The following PLA2G2A variants were observed in gnomAD, a reference collection of about 807,000 sequenced individuals.
The protein encoded by PLA2G2A is phospholipase A2, membrane associated.
PLA2G2A carries 6 observed loss-of-function variants against 11.2 expected under a neutral mutation model. The observed-to-expected ratio is 0.54, with a 90% CI of 0.29 to 1.06. PLA2G2A has a LOEUF of 1.06. Ranked by LOEUF, PLA2G2A falls within the 50% of genes least tolerant of loss-of-function variation. PLA2G2A has a pLI of 0.08. For missense variants in PLA2G2A, 133 were observed against 177.1 expected, an observed-to-expected ratio of 0.75 and a Z score of 1.41; for synonymous variants, 69 against 65.8, an observed-to-expected ratio of 1.05 and a Z score of -0.23.
At chr1:19,975,627 G>C, downstream of PLA2G2A, 1 of 1,400,328 alleles carries the variant, frequency 7.1e-7, no homozygotes, top group African/African-American at 1.4e-5. Context: ...CAAGGAACTT[G>C]GTTAGGGTAG....
chr1:19,978,311 C>T, intron 3 of PLA2G2A, 69 bp downstream of exon 3: 1 of 1,574,540 alleles, frequency 6.4e-7, no homozygotes. Flanking sequence ...GGAACCGGCA[C>T]TGTCTTTGCA....
At chr1:19,977,882 C>T in intron 4 of PLA2G2A, 133 bp downstream of exon 4, 3 of 720,368 alleles carry the variant, frequency 4.2e-6, no homozygotes, top group Non-Finnish European at 7.8e-6. Flanking sequence ...TTTCACTTTC[C>T]TGGCTTCCCA....
chr1:19,979,332 T>A (rs2046271119), intron 1 of PLA2G2A, among the ~76,000 whole-genome samples: 1 of 152,086 alleles, frequency 6.6e-6, no homozygotes, highest in Non-Finnish European at 1.5e-5. Flanking sequence ...CCCTTCCACA[T>A]ACACAAGTTC....
exon 3 of PLA2G2A, chr1:19,978,515 T>C (rs1326977837): frequency 6.2e-7 from 1 of 1,613,646 alleles, no homozygotes; most frequent in South Asian, 1.1e-5. Context: ...CCCATGGGCC[T>C]GCAGTAGGCC....
exon 2 of PLA2G2A, chr1:19,978,738 G>T: frequency 6.2e-7 from 1 of 1,614,142 alleles, no homozygotes; most frequent in African/African-American, 1.3e-5. Flanking sequence ...TCTTACCAAA[G>T]ATCATGATCA....
At chr1:19,976,445 G>T (rs2046221161) in intron 4 of PLA2G2A, among the ~76,000 whole-genome samples, 1 of 152,178 alleles carries the variant, frequency 6.6e-6, no homozygotes, top group South Asian at 2.1e-4. Flanking sequence ...GATTCTTAAT[G>T]ACATGGCTGG....
downstream of PLA2G2A, chr1:19,975,591 T>G: frequency 1.0e-6 from 1 of 995,820 alleles, no homozygotes; most frequent in Non-Finnish European, 1.6e-6. Flanking sequence ...GCCTCTAGGA[T>G]GGGTGAGGGA....
chr1:19,978,719 A>G lies in PLA2G2A; in HGVS notation c.40+15T>C, dbSNP rs1253123160. The G allele has an allele frequency of 6.2e-7, 1 of 1,613,950 alleles. No homozygotes were observed. The highest frequency in any genetic ancestry group is 2.2e-5 in the East Asian group (1 of 44,884). ...GGCTGTCCCCCCATGCTCAGAGGTC[A>G]GGGTCAGCTCTTACCAAAGATCATG... On this transcript the variant is annotated intron_variant, in intron 2 of 4. Coordinates refer to ENST00000482011, the Ensembl canonical transcript of PLA2G2A.
intron 1 of PLA2G2A, among the ~76,000 whole-genome samples, chr1:19,979,354 C>T (rs2046271374): frequency 6.6e-6 from 1 of 152,174 alleles, no homozygotes; most frequent in Non-Finnish European, 1.5e-5. Flanking sequence ...CAAACACATA[C>T]ATGTTAACAC....
chr1:19,975,578 C>T (rs2046207958), downstream of PLA2G2A: 1 of 895,112 alleles, frequency 1.1e-6, no homozygotes, highest in African/African-American at 1.6e-5. Context: ...GGGCTCCTGC[C>T]TGGCCTCTAG....
chr1:19,980,277 A>T (rs913661430), upstream of PLA2G2A: 10 of 152,246 alleles, frequency 6.6e-5, no homozygotes, highest in African/African-American at 2.4e-4. Context: ...CCTGTCTCAT[A>T]TGAGCTTCTA....
rs764003555 is a variant in PLA2G2A, at chr1:19,978,375, C to A, written c.185+5G>T. The A allele has an allele frequency of 6.2e-7, 1 of 1,611,534 alleles. No individual in the cohort carries two copies. The highest frequency in any genetic ancestry group is 8.5e-7 in the Non-Finnish European group (1 of 1,179,374). ...AGGAGGGTAGGGAGGGATAGGTGGC[C>A]TCACCGATCCGTTGCATCCTTGGGG... On this transcript the variant is annotated splice_donor_5th_base_variant and intron_variant, in intron 3 of 4. Transcript: ENST00000482011.
rs2046257723 is a variant in PLA2G2A at position 19,978,537 on chromosome 1, T to G, written c.41-13A>C. 6.2e-7 allele frequency: 1 copy of G among 1,613,304 alleles called. No homozygotes were observed. Among genetic ancestry groups the G allele is most frequent in the Non-Finnish European group, 8.5e-7 (1 of 1,180,030 alleles). On this transcript the variant is annotated splice_polypyrimidine_tract_variant and intron_variant, in intron 2 of 4. Coordinates refer to ENST00000482011, the Ensembl canonical transcript of PLA2G2A. ...GCCTGCAGTAGGCCTGGAAGGAAATTTGGGAGTTGTCTGGTGATGGGGCAT... is the reference window on the plus strand; with the variant it reads ...GCCTGCAGTAGGCCTGGAAGGAAATGTGGGAGTTGTCTGGTGATGGGGCAT...
intron 4 of PLA2G2A, among the ~76,000 whole-genome samples, chr1:19,977,353 A>G (rs1236613867): frequency 6.6e-6 from 1 of 152,010 alleles, no homozygotes; most frequent in Non-Finnish European, 1.5e-5. Flanking sequence ...TCTCAAATGC[A>G]TCTTGATTTT....
intron 4 of PLA2G2A, among the ~76,000 whole-genome samples, 198 bp downstream of exon 4, chr1:19,977,817 T>C (rs923496215): frequency 1.3e-5 from 2 of 152,216 alleles, no homozygotes; most frequent in Non-Finnish European, 2.9e-5. Flanking sequence ...CCTCAGGCTG[T>C]GTTAATGCCT....
chr1:19,978,238 C>T lies in PLA2G2A; in HGVS notation c.186-117G>A. On this transcript the variant is annotated intron_variant, in intron 3 of 4. Coordinates refer to ENST00000482011, the Ensembl canonical transcript of PLA2G2A. ...CCAGTGACTTTGCAACAGTCTAGAG[C>T]AGAAGTTCCAACATGCCGGCTGCTT... 3.0e-6 allele frequency: 4 copies of T among 1,341,042 alleles called. No homozygotes were observed. In the South Asian group the frequency reaches 3.6e-5, roughly 12 times the overall value. The allele number at this position is 1,341,042 out of a possible 1,614,324, so 83.1% of individuals were successfully genotyped here.
Position 19,978,509 on chromosome 1 carries a change from T to C in PLA2G2A, c.56A>G (p.His19Arg), listed in dbSNP as rs1381741348. 5.0e-6 allele frequency: 8 copies of C among 1,613,692 alleles called. 1 individual carries two copies. The South Asian group carries it at 5.5e-5, about 11-fold the overall frequency. Residue 19 changes from histidine (H) to arginine (R), a missense_variant, in exon 3 of 5, where the codon CAT becomes CGT. Transcript: ENST00000482011. ...TCTGTGGAAATTCACCAAATTCCCA[T>C]GGGCCTGCAGTAGGCCTGGAAGGAA... is the stretch of plus-strand genomic sequence containing the variant.
At chr1:19,978,208 G>A in intron 3 of PLA2G2A, 87 bp from the exon 4 acceptor site, 4 of 1,333,598 alleles carry the variant, frequency 3.0e-6, no homozygotes, top group Non-Finnish European at 4.3e-6. Context: ...ACCCTGGGCA[G>A]AGACCCAGTG....
chr1:19,978,791 G>A (rs2046261871), exon 2 of PLA2G2A: 1 of 1,613,876 alleles, frequency 6.2e-7, no homozygotes, highest in East Asian at 2.2e-5. Flanking sequence ...GTTCTTGGGT[G>A]ACAAATGCAG....
Sources: allele counts gnomAD v4.1 joint callset (sites outside exome capture counted in the v4.1 genomes callset), GRCh38; gene constraint gnomAD v4.1.1; transcripts MANE v1.5; gene names NCBI Gene and HGNC (gene_info 2026-07-23, HGNC 2026-07-21).